TNS3: variants seen among roughly 807,000 people sequenced by gnomAD.
The protein encoded by TNS3 is tensin 3.
In TNS3, 45 loss-of-function variants were observed where a neutral mutation model predicts 140.9. The ratio of observed to expected loss-of-function variants is 0.32; its 90% CI spans 0.25 to 0.41. TNS3 has a LOEUF of 0.41. TNS3 is among the 10% of genes least tolerant of loss of function. The probability of loss-of-function intolerance (pLI) is 1.00; values close to 1 mark genes in which losing one functional copy is unlikely to be tolerated. For missense variants in TNS3, 1,716 were observed against 1,906.7 expected (o/e 0.90, Z 1.86); for synonymous variants, 815 against 788.4 (o/e 1.03, Z -0.56).
chr7:47,340,255 C>T (rs924772159), intron 20 of TNS3, among the ~76,000 whole-genome samples: 7 of 147,654 alleles, frequency 4.7e-5, no homozygotes, highest in African/African-American at 1.5e-4. Context: ...CCTGAATAGC[C>T]GGGATTACAG....
At chr7:47,377,091 A>G (rs1791437284) in intron 16 of TNS3, among the ~76,000 whole-genome samples, 2 of 152,314 alleles carry the variant, frequency 1.3e-5, no homozygotes, top group African/African-American at 4.8e-5. Flanking sequence ...ACAGCCAGGA[A>G]CCATCCTGTC....
At chr7:47,443,372 G>C (rs1795566176) in intron 4 of TNS3, among the ~76,000 whole-genome samples, 2 of 151,870 alleles carry the variant, frequency 1.3e-5, no homozygotes, top group Non-Finnish European at 2.9e-5. Context: ...GCCCACCCCT[G>C]ACATCTGAGC....
chr7:47,542,491 C>G (rs947579443), intron 1 of TNS3, among the ~76,000 whole-genome samples: 2 of 152,138 alleles, frequency 1.3e-5, no homozygotes, highest in African/African-American at 4.8e-5. Context: ...TTGGGGCCAC[C>G]AGATACTCTG....
Position 47,407,124 on chromosome 7 carries a change from G to A in TNS3, c.723+4603C>T, listed in dbSNP as rs140896575. 6.4e-3 allele frequency among the ~76,000 whole-genome samples: 972 copies of A among 152,230 alleles called. 12 individuals are homozygous for A. The highest frequency in any genetic ancestry group is 0.022 in the African/African-American group (926 of 41,526). ...TCTTCCTGTGTTGTTCCCTTAGGTCGTTTTCAGAGGGAGTCAACAGCACTG... is the reference window on the plus strand; with the variant it reads ...TCTTCCTGTGTTGTTCCCTTAGGTCATTTTCAGAGGGAGTCAACAGCACTG... On this transcript the variant is annotated intron_variant, in intron 13 of 30. Coordinates refer to ENST00000311160, the MANE Select transcript of TNS3 (RefSeq NM_022748.12). This position sits in a 1 kb window ranked among gnomAD's most constrained non-coding sequence, Gnocchi z 4.1.
chr7:47,448,162 C>T (rs1455242964), intron 4 of TNS3, among the ~76,000 whole-genome samples: 2 of 152,256 alleles, frequency 1.3e-5, no homozygotes, highest in African/African-American at 4.8e-5. Flanking sequence ...ACCATGGCCA[C>T]CACCCGGGCA....
At chr7:47,537,890 A>C (rs1294861442) in intron 1 of TNS3, among the ~76,000 whole-genome samples, 1 of 152,092 alleles carries the variant, frequency 6.6e-6, no homozygotes, top group Non-Finnish European at 1.5e-5. Context: ...ATCAAAGCAC[A>C]GGACCGCCCG....
At chr7:47,429,750 A>T (rs1794838597) in intron 8 of TNS3, among the ~76,000 whole-genome samples, 1 of 152,214 alleles carries the variant, frequency 6.6e-6, no homozygotes, top group African/African-American at 2.4e-5. Context: ...AGGGCCTCTA[A>T]TATGTAGCTC....
At chr7:47,503,032 C>G (rs1798284136) in intron 3 of TNS3, among the ~76,000 whole-genome samples, 1 of 152,268 alleles carries the variant, frequency 6.6e-6, no homozygotes, top group African/African-American at 2.4e-5. Context: ...AAAGGGGGAG[C>G]TGCGCATCGG....
chr7:47,298,845 G>A (rs1342345664), intron 23 of TNS3, among the ~76,000 whole-genome samples: 1 of 152,276 alleles, frequency 6.6e-6, no homozygotes, highest in Admixed American at 6.5e-5. Flanking sequence ...TGCACAGGAT[G>A]AGGGCACGGG....
rs576630315 is a variant in TNS3, at chr7:47,439,553, C to T, written c.84G>A (p.Glu28=). 26 of 1,613,974 alleles carry T rather than the reference C, an allele frequency of 1.6e-5. No individual in the cohort carries two copies. Among genetic ancestry groups the T allele is most frequent in the Non-Finnish European group, 2.2e-5 (26 of 1,180,014 alleles). Residue 28 remains glutamate (E), a synonymous_variant, in exon 6 of 31, where the codon GAG becomes GAA. Transcript: ENST00000311160. ...AVSFPAGCSE[E]SYLHNLQEVT... The stretch of plus-strand genomic sequence containing the variant: ...CCTCCTGTAGGTTGTGCAGGTAGGA[C>T]TCCTCAGAGCAGCCGGCAGGGAAGG...
chr7:47,480,329 G>A (rs1470223587), intron 4 of TNS3, among the ~76,000 whole-genome samples: 2 of 152,224 alleles, frequency 1.3e-5, no homozygotes, highest in Non-Finnish European at 2.9e-5. Context: ...CTGCCCCACC[G>A]GGGAGGCCCA....
chr7:47,368,618 A>G lies in TNS3; in HGVS notation c.2028T>C (p.Asn676=). ...KPRFPGDQVV[N]GAGPELSTGP... The stretch of plus-strand genomic sequence containing the variant: ...CTGTGCTCAGCTCTGGGCCGGCTCC[A>G]TTCACAACCTGGTCTCCTGGAAACC... Residue 676 remains asparagine (N), a synonymous_variant, in exon 17 of 31, where the codon AAT becomes AAC. Transcript: ENST00000311160. The G allele has an allele frequency of 6.3e-7, 1 of 1,594,754 alleles. No homozygotes were observed. The highest frequency in any genetic ancestry group is 8.5e-7 in the Non-Finnish European group (1 of 1,170,690).
chr7:47,582,572 G>A (rs373964604), upstream of TNS3: 109 of 435,454 alleles, frequency 2.5e-4, no homozygotes, highest in Middle Eastern at 1.0e-3. Context: ...ACATAAAGGA[G>A]CACAGCCGCT....
chr7:47,568,213 G>T (rs1366388841), intron 1 of TNS3, among the ~76,000 whole-genome samples: 1 of 152,198 alleles, frequency 6.6e-6, no homozygotes, highest in Non-Finnish European at 1.5e-5. Context: ...TGCAGGAGAG[G>T]GTAGGGAGAG....
chr7:47,436,970 T>G (rs1476068679), intron 7 of TNS3, among the ~76,000 whole-genome samples: 1 of 152,204 alleles, frequency 6.6e-6, no homozygotes, highest in Non-Finnish European at 1.5e-5. Flanking sequence ...GTCCGTGGAC[T>G]ATACCAATGC....
intron 13 of TNS3, among the ~76,000 whole-genome samples, chr7:47,409,525 C>G (rs1793643188): frequency 6.6e-6 from 1 of 152,186 alleles, no homozygotes; most frequent in Non-Finnish European, 1.5e-5. Context: ...AATAACTACT[C>G]ATCACTGAAG....
chr7:47,335,256 C>T (rs1309258390), intron 20 of TNS3, among the ~76,000 whole-genome samples: 1 of 152,158 alleles, frequency 6.6e-6, no homozygotes, highest in Non-Finnish European at 1.5e-5. Flanking sequence ...CACTGACGCT[C>T]CCGCTTGAGG....
At chr7:47,525,357 T>C (rs1446772479) in intron 2 of TNS3, among the ~76,000 whole-genome samples, 1 of 152,222 alleles carries the variant, frequency 6.6e-6, no homozygotes, top group Non-Finnish European at 1.5e-5. Context: ...AGTGCCTGGA[T>C]GTTGCCAGAA....
chr7:47,345,006 A>G lies in TNS3; in HGVS notation c.2484T>C (p.Asp828=). 5.6e-6 allele frequency: 9 copies of G among 1,614,174 alleles called. No homozygotes were observed. The highest frequency in any genetic ancestry group is 7.6e-6 in the Non-Finnish European group (9 of 1,180,040). Residue 828 remains aspartate, a synonymous_variant, in exon 19 of 31, where the codon GAT becomes GAC. Coordinates refer to ENST00000311160, the MANE Select transcript of TNS3 (RefSeq NM_022748.12). ...TACTTAAAATTCTGCCATCGATAAT[A>G]TCGAGGTCCTGGGGATAGCCAGGGG... is the stretch of plus-strand genomic sequence containing the variant. The part of the protein sequence containing the change: ...TMTPGYPQDL[D]IIDGRILSSK...
Sources: gnomAD v4.1 joint callset for allele counts (sites outside exome capture counted in the v4.1 genomes callset) on GRCh38, gnomAD v4.1.1 for gene constraint, Gnocchi (gnomAD v3.1) non-coding constraint, MANE v1.5 for transcripts, NCBI Gene and HGNC (gene_info 2026-07-23, HGNC 2026-07-21) for gene names.